Variants in MAF observed in about 807,000 individuals in gnomAD.
MAF encodes the protein MAF bZIP transcription factor, also known as transcription factor Maf.
MAF carries 10 observed loss-of-function variants against 22.0 expected under a neutral mutation model. The observed-to-expected ratio is 0.45, with a 90% CI of 0.28 to 0.77. The LOEUF is 0.77. Ranked by LOEUF, MAF falls within the 30% of genes least tolerant of loss-of-function variation. The pLI is 0.12. For missense variants in MAF, 544 were observed against 548.4 expected (o/e 0.99, Z 0.08); for synonymous variants, 337 against 255.8 (o/e 1.32, Z -3.03).
chr16:79,386,377 C>G, the MAF span, among the ~76,000 whole-genome samples: 5 of 152,110 alleles, frequency 3.3e-5, no homozygotes, highest in African/African-American at 1.2e-4. Context: ...ACATGTAACC[C>G]AGATCCCTCA....
chr16:79,365,190 C>A, the MAF span, among the ~76,000 whole-genome samples: 1 of 152,138 alleles, frequency 6.6e-6, no homozygotes, highest in South Asian at 2.1e-4. Flanking sequence ...ATTTTAGAAC[C>A]CTGAAGATCT....
chr16:79,458,027 T>C, the MAF span, among the ~76,000 whole-genome samples: 1 of 151,882 alleles, frequency 6.6e-6, no homozygotes, highest in Non-Finnish European at 1.5e-5. Flanking sequence ...TTTTTTTCAA[T>C]ATGGATGATC....
At chr16:79,590,535 G>A (rs1001403432), downstream of MAF, among the ~76,000 whole-genome samples, 10 of 152,196 alleles carry the variant, frequency 6.6e-5, no homozygotes, top group African/African-American at 2.4e-4. Context: ...GAAGGAAAAG[G>A]TGTCAGAAAT....
the MAF span, among the ~76,000 whole-genome samples, chr16:79,445,993 A>G: frequency 6.6e-6 from 1 of 152,060 alleles, no homozygotes; most frequent in Non-Finnish European, 1.5e-5. Context: ...TCGGACAATG[A>G]CCTCTCATGA....
the MAF span, among the ~76,000 whole-genome samples, chr16:79,314,567 C>A: frequency 8.5e-5 from 13 of 152,110 alleles, no homozygotes; most frequent in Non-Finnish European, 1.5e-4. Context: ...AAGGGGATGG[C>A]AGGTCCCTAC....
chr16:79,304,652 T>C, the MAF span, among the ~76,000 whole-genome samples: 2 of 151,522 alleles, frequency 1.3e-5, no homozygotes, highest in African/African-American at 2.4e-5. Flanking sequence ...GTGGTGGGAG[T>C]TCTTAAACAT....
At chr16:79,500,089 G>C in the MAF span, among the ~76,000 whole-genome samples, 7 of 152,202 alleles carry the variant, frequency 4.6e-5, no homozygotes, top group Non-Finnish European at 8.8e-5. Flanking sequence ...ACCTTTGCCT[G>C]GAGCCTCCAG....
chr16:79,234,825 T>C, the MAF span, among the ~76,000 whole-genome samples: 10 of 152,226 alleles, frequency 6.6e-5, no homozygotes, highest in East Asian at 1.9e-3. Flanking sequence ...CCTGAGTCTC[T>C]TGATGAGGCT....
At chr16:79,233,734 C>T in the MAF span, among the ~76,000 whole-genome samples, 1 of 152,154 alleles carries the variant, frequency 6.6e-6, no homozygotes, top group African/African-American at 2.4e-5. Flanking sequence ...TGGCTCATGC[C>T]TGTAATCCCA....
At chr16:79,403,416 C>T in the MAF span, among the ~76,000 whole-genome samples, 25 of 152,292 alleles carry the variant, frequency 1.6e-4, no homozygotes, top group East Asian at 5.8e-4. Flanking sequence ...CAGCCTCAAA[C>T]GCAGAAAGGT....
At chr16:79,450,836 C>T in the MAF span, among the ~76,000 whole-genome samples, 1 of 150,954 alleles carries the variant, frequency 6.6e-6, no homozygotes, top group Admixed American at 6.6e-5. Context: ...AACATTTTTA[C>T]ATTTTTTTTT....
At chr16:79,240,487 G>GAAAAAAAAAAAAA in the MAF span, among the ~76,000 whole-genome samples, 1 of 60,694 alleles carries the variant, frequency 1.6e-5, no homozygotes, top group African/African-American at 3.2e-5. Flanking sequence ...AGCATCTCTG[G>GAAAAAAAAAAAAA]AAAAAAAAAA....
At chr16:79,465,104 C>T in the MAF span, among the ~76,000 whole-genome samples, 2 of 152,184 alleles carry the variant, frequency 1.3e-5, no homozygotes, top group Non-Finnish European at 2.9e-5. Flanking sequence ...GAGGGTTCAA[C>T]ATTTTAAGAA....
chr16:79,452,599 T>C, the MAF span, among the ~76,000 whole-genome samples: 2 of 152,184 alleles, frequency 1.3e-5, no homozygotes, highest in Admixed American at 6.5e-5. Flanking sequence ...TTCTTGGTGA[T>C]TTGAAAAATG....
At chr16:79,501,737 C>A in the MAF span, among the ~76,000 whole-genome samples, 5 of 152,204 alleles carry the variant, frequency 3.3e-5, no homozygotes, top group African/African-American at 4.8e-5. Context: ...TTCCCCCTCA[C>A]CTAGAAAAGC....
the MAF span, among the ~76,000 whole-genome samples, chr16:79,217,624 A>C: frequency 6.6e-6 from 1 of 152,220 alleles, no homozygotes; most frequent in African/African-American, 2.4e-5. Flanking sequence ...GATGCTACAG[A>C]ATCCACCCAA....
the MAF span, among the ~76,000 whole-genome samples, chr16:79,547,922 G>GAGAAAGAT: frequency 9.1e-6 from 1 of 110,110 alleles, no homozygotes; most frequent in African/African-American, 3.0e-5. Flanking sequence ...GAGAGAGATA[G>GAGAAAGAT]AGAGAGAGAG....
the MAF span, among the ~76,000 whole-genome samples, chr16:79,302,778 C>A: frequency 6.6e-6 from 1 of 152,208 alleles, no homozygotes; most frequent in African/African-American, 2.4e-5. Context: ...TGGACCTTGG[C>A]GACAGTCATC....
the MAF span, among the ~76,000 whole-genome samples, chr16:79,495,436 C>G: frequency 1.3e-5 from 2 of 152,164 alleles, no homozygotes; most frequent in African/African-American, 4.8e-5. Flanking sequence ...ACACTCCAGA[C>G]TAGGTGACAG....
Sources: gnomAD v4.1 joint callset for allele counts (sites outside exome capture counted in the v4.1 genomes callset) on GRCh38, gnomAD v4.1.1 for gene constraint, MANE v1.5 for transcripts, NCBI Gene and HGNC (gene_info 2026-07-23, HGNC 2026-07-21) for gene names.